The following CLSTN2 variants were observed in gnomAD, a reference collection of about 807,000 sequenced individuals.
The protein encoded by CLSTN2 is calsyntenin-2.
CLSTN2 carries 48 observed loss-of-function variants against 101.2 expected under a neutral mutation model. The observed-to-expected ratio is 0.47, with a 90% CI of 0.38 to 0.60. CLSTN2 has a LOEUF of 0.60. CLSTN2 is among the 20% of genes least tolerant of loss of function. The pLI is 0.00. For missense variants in CLSTN2, 1,160 were observed against 1,238.2 expected (o/e 0.94, Z 0.95); for synonymous variants, 481 against 463.6 (o/e 1.04, Z -0.48).
intron 1 of CLSTN2, among the ~76,000 whole-genome samples, chr3:140,129,766 G>A (rs762790073): frequency 6.6e-6 from 1 of 152,180 alleles, no homozygotes; most frequent in Non-Finnish European, 1.5e-5. Context: ...GCTGGGCCTG[G>A]TGTGTTGAAG....
intron 2 of CLSTN2, among the ~76,000 whole-genome samples, chr3:140,249,266 T>A (rs1334039279): frequency 6.6e-6 from 1 of 152,190 alleles, no homozygotes; most frequent in Non-Finnish European, 1.5e-5. Context: ...AATCTCAGCC[T>A]AGATGAAGAT....
At chr3:139,937,850 G>T (rs1935055501) in intron 1 of CLSTN2, among the ~76,000 whole-genome samples, 1 of 151,860 alleles carries the variant, frequency 6.6e-6, no homozygotes, top group African/African-American at 2.4e-5. Flanking sequence ...CCTTGTTCTC[G>T]CTTCTTTCCC....
intron 2 of CLSTN2, among the ~76,000 whole-genome samples, chr3:140,329,563 T>C (rs564619112): frequency 1.3e-5 from 2 of 152,242 alleles, no homozygotes; most frequent in South Asian, 4.1e-4. Context: ...GATTGAGATA[T>C]GGCTTATAAA....
intron 2 of CLSTN2, among the ~76,000 whole-genome samples, chr3:140,187,480 ATGT>A (rs1333256416): frequency 1.3e-5 from 2 of 152,050 alleles, no homozygotes; most frequent in African/African-American, 4.8e-5. Context: ...TCCATCAGAG[ATGT>A]TGTTTGAACT....
At chr3:140,316,662 A>C (rs916825250) in intron 2 of CLSTN2, among the ~76,000 whole-genome samples, 3 of 152,170 alleles carry the variant, frequency 2.0e-5, no homozygotes, top group African/African-American at 7.2e-5. Context: ...GTGGGATACA[A>C]GCAGGTGCTT....
Position 140,575,688 on chromosome 3 carries a change from C to T in CLSTN2, c.*9435C>T, listed in dbSNP as rs1985709840. On this transcript the variant is annotated 3_prime_UTR_variant, in exon 17 of 17. Coordinates refer to ENST00000458420, the MANE Select transcript of CLSTN2 (RefSeq NM_022131.3). ...GGGTTTGTTATGTTATTGTCAGGGA[C>T]ATTATAATATTGGTAAGGAGGAGAG... 6.6e-6 allele frequency: 1 copy of T among 150,884 alleles called. No individual in the cohort carries two copies. The highest frequency in any genetic ancestry group is 2.1e-4 in the South Asian group (1 of 4,700). 9.3% of individuals were successfully genotyped at this position (150,884 alleles called of 1,614,324 possible). A position where few individuals can be genotyped will look rare whatever the true frequency, so the allele number is the denominator to read the frequency against.
chr3:140,556,607 C>T lies in CLSTN2; in HGVS notation c.1769C>T (p.Ser590Phe). 1 of 1,614,134 alleles carries T rather than the reference C, an allele frequency of 6.2e-7. No homozygotes were observed. Among genetic ancestry groups the T allele is most frequent in the Non-Finnish European group, 8.5e-7 (1 of 1,179,992 alleles). ...RALQKVSYIN[S>F]RQFPTAGVRR... ...CTCCAGAAAGTCTCCTACATCAACT[C>T]CAGGCAGTTCCCAACGGCGGGTGTG... Residue 590 changes from serine to phenylalanine, a missense_variant, in exon 11 of 17, where the codon TCC becomes TTC. Transcript: ENST00000458420.
At chr3:140,377,402 T>C (rs1249439681) in intron 2 of CLSTN2, among the ~76,000 whole-genome samples, 2 of 152,200 alleles carry the variant, frequency 1.3e-5, no homozygotes, top group Admixed American at 6.5e-5. Flanking sequence ...GACAAGTCCT[T>C]CAGGAGGTAT....
chr3:140,099,371 G>T (rs567656095), intron 1 of CLSTN2, among the ~76,000 whole-genome samples: 3 of 152,164 alleles, frequency 2.0e-5, no homozygotes, highest in East Asian at 1.9e-4. Context: ...TGGCTGCATT[G>T]CTCTAATCTT....
At chr3:140,369,333 T>G (rs1443292585) in intron 2 of CLSTN2, among the ~76,000 whole-genome samples, 1 of 152,226 alleles carries the variant, frequency 6.6e-6, no homozygotes, top group African/African-American at 2.4e-5. Context: ...AAATAAGAGA[T>G]AGTTTTATGT....
chr3:140,511,974 T>A (rs971929377), intron 8 of CLSTN2, among the ~76,000 whole-genome samples: 1 of 152,114 alleles, frequency 6.6e-6, no homozygotes, highest in African/African-American at 2.4e-5. Flanking sequence ...CTTTGCCCAT[T>A]TTTTAATGTG....
At position 140,421,261 on chromosome 3, in the gene CLSTN2, G is replaced by A. The variant is rs2088503084; in HGVS notation, c.774G>A (p.Lys258=). Residue 258 remains lysine, a synonymous_variant, in exon 5 of 17, where the codon AAG becomes AAA. Coordinates refer to ENST00000458420, the MANE Select transcript of CLSTN2 (RefSeq NM_022131.3). ...LVQVDVKPVC[K]PGWQDWTKRI... ...AGGTGGATGTGAAGCCAGTTTGCAAGCCTGGCTGGCAAGGTGGGCCTGTTT... is the reference window on the plus strand; with the variant it reads ...AGGTGGATGTGAAGCCAGTTTGCAAACCTGGCTGGCAAGGTGGGCCTGTTT... The A allele has an allele frequency of 6.2e-7, 1 of 1,614,156 alleles. No homozygotes were observed. Among genetic ancestry groups the A allele is most frequent in the Non-Finnish European group, 8.5e-7 (1 of 1,179,998 alleles).
intron 1 of CLSTN2, among the ~76,000 whole-genome samples, chr3:140,100,444 C>T: frequency 6.6e-6 from 1 of 152,182 alleles, no homozygotes. Flanking sequence ...AGGCAGTGAT[C>T]AAGAAAATGA....
intron 5 of CLSTN2, among the ~76,000 whole-genome samples, chr3:140,432,615 G>A (rs1462160382): frequency 6.6e-6 from 1 of 152,142 alleles, no homozygotes; most frequent in Non-Finnish European, 1.5e-5. Flanking sequence ...GATCATTAAG[G>A]TGCAGCAAAT....
intron 6 of CLSTN2, among the ~76,000 whole-genome samples, chr3:140,450,396 G>A (rs2108010123): frequency 6.6e-6 from 1 of 152,284 alleles, no homozygotes; most frequent in East Asian, 1.9e-4. Context: ...ATCTCATAAG[G>A]CGAGAAGTGC....
intron 2 of CLSTN2, among the ~76,000 whole-genome samples, chr3:140,371,003 G>T (rs1262060669): frequency 6.6e-6 from 1 of 152,168 alleles, no homozygotes; most frequent in Non-Finnish European, 1.5e-5. Context: ...TTTCTGCAGA[G>T]TTTGAGCCTC....
rs182638593 is a variant in CLSTN2 at position 140,006,177 on chromosome 3, T to C, written c.109+70694T>C. On this transcript the variant is annotated intron_variant, in intron 1 of 16. Coordinates refer to ENST00000458420, the MANE Select transcript of CLSTN2 (RefSeq NM_022131.3). Reference sequence around the variant, plus strand: ...GGGTCCCACGGTGTTAATAAGAATATGATATTTATGAGCAGATGAATAAAC... The same window carrying C: ...GGGTCCCACGGTGTTAATAAGAATACGATATTTATGAGCAGATGAATAAAC... 5.3e-3 allele frequency among the ~76,000 whole-genome samples: 812 copies of C among 152,332 alleles called. 9 individuals carry two copies. The highest frequency in any genetic ancestry group is 6.4e-3 in the Non-Finnish European group (437 of 68,036).
At chr3:140,038,623 C>T (rs1282068346) in intron 1 of CLSTN2, among the ~76,000 whole-genome samples, 1 of 151,918 alleles carries the variant, frequency 6.6e-6, no homozygotes, top group African/African-American at 2.4e-5. Flanking sequence ...TGAGATAAGG[C>T]TTCTTTTATT....
At position 139,998,135 on chromosome 3, in the gene CLSTN2, T is replaced by C. The variant is rs567588660; in HGVS notation, c.109+62652T>C. Among the ~76,000 whole-genome samples, 9 of 152,190 alleles carry C rather than the reference T, an allele frequency of 5.9e-5. No homozygotes were observed. The East Asian group carries it at 1.7e-3, about 29-fold the overall frequency. On this transcript the variant is annotated intron_variant, in intron 1 of 16. Transcript: ENST00000458420. ...AAAGTCATGTTTGTACAGGGTCTTC[T>C]AGTGCAGTGTTGGTCCAGGACAATG...
Sources: allele counts gnomAD v4.1 joint callset (sites outside exome capture counted in the v4.1 genomes callset), GRCh38; gene constraint gnomAD v4.1.1; transcripts MANE v1.5; gene names NCBI Gene and HGNC (gene_info 2026-07-23, HGNC 2026-07-21).